Variants in PCDHGB2 observed in about 807,000 individuals in gnomAD.
PCDHGB2 encodes the protein protocadherin gamma-B2.
A neutral mutation model predicts 59.3 loss-of-function variants in PCDHGB2; 55 were observed. The ratio of observed to expected loss-of-function variants is 0.93; its 90% CI spans 0.75 to 1.16. PCDHGB2 has a LOEUF of 1.16. Ranked by LOEUF, PCDHGB2 falls within the 50% of genes most tolerant of loss-of-function variation. The probability of loss-of-function intolerance (pLI) is 0.00; values close to 1 mark genes in which losing one functional copy is unlikely to be tolerated. For synonymous variants in PCDHGB2, 516 were observed against 512.0 expected (o/e 1.01, Z -0.11); for missense variants, 1,228 against 1,198.5 (o/e 1.02, Z -0.36).
At chr5:141,438,635 T>TATAC (rs1460604450) in intron 1 of PCDHGB2, among the ~76,000 whole-genome samples, 1 of 33,416 alleles carries the variant, frequency 3.0e-5, no homozygotes, top group Admixed American at 4.2e-4. Context: ...TATATATATA[T>TATAC]ACACACACAC....
intron 1 of PCDHGB2, chr5:141,441,480 T>A (rs1679700290): frequency 5.9e-6 from 1 of 170,298 alleles, no homozygotes. Flanking sequence ...CCAACGACAA[T>A]GCTCTGGTTT....
chr5:141,400,656 A>G (rs72790034), intron 1 of PCDHGB2: 33,230 of 1,084,006 alleles, frequency 0.031, 658 homozygotes, highest in East Asian at 0.041. Context: ...CTGTCCTACC[A>G]TTCTTTAAGA....
intron 1 of PCDHGB2, among the ~76,000 whole-genome samples, chr5:141,482,940 G>T (rs1245833250): frequency 6.6e-6 from 1 of 152,026 alleles, no homozygotes; most frequent in East Asian, 1.9e-4. Context: ...AGGTGTGGTT[G>T]TGGGTGCCTG....
chr5:141,455,494 T>C (rs1223531150), intron 1 of PCDHGB2, among the ~76,000 whole-genome samples: 2 of 152,214 alleles, frequency 1.3e-5, no homozygotes, highest in African/African-American at 4.8e-5. Context: ...AGGTGATGTC[T>C]GATTTGCATA....
At position 141,476,873 on chromosome 5, in the gene PCDHGB2, G is replaced by C; in HGVS notation, c.2422-17934G>C. On this transcript the variant is annotated intron_variant, in intron 1 of 3. Coordinates refer to ENST00000522605, the MANE Select transcript of PCDHGB2 (RefSeq NM_018923.3). This position sits in a 1 kb window ranked among gnomAD's most constrained non-coding sequence, Gnocchi z 7.6. ...CAACCAGTCCTTGTACCGGGCGCGC[G>C]TCCTGGAGGATGCACCCTCCGGCAC... 1 of 1,613,936 alleles carries C rather than the reference G, an allele frequency of 6.2e-7. No homozygotes were observed. Among genetic ancestry groups the C allele is most frequent in the South Asian group, 1.1e-5 (1 of 91,088 alleles).
At chr5:141,403,701 A>C in intron 1 of PCDHGB2, 2 of 1,613,934 alleles carry the variant, frequency 1.2e-6, no homozygotes, top group South Asian at 2.2e-5. Flanking sequence ...TACCGAGTTA[A>C]AGTCCTTGAG....
chr5:141,415,772 T>TC, intron 1 of PCDHGB2: 1 of 1,332,986 alleles, frequency 7.5e-7, no homozygotes. Context: ...TTTTTTTTTT[T>TC]ACTTTCTGGT....
chr5:141,429,416 T>C (rs527999196), intron 1 of PCDHGB2, among the ~76,000 whole-genome samples: 1 of 152,230 alleles, frequency 6.6e-6, no homozygotes, highest in Admixed American at 6.5e-5. Flanking sequence ...GGTCTCATTA[T>C]GTTGCCCAGG....
chr5:141,409,748 G>C, intron 1 of PCDHGB2: 2 of 1,613,018 alleles, frequency 1.2e-6, no homozygotes, highest in South Asian at 2.2e-5. Context: ...GGTGGTGTTC[G>C]CGCAGCGCGC....
Position 141,486,814 on chromosome 5 carries a change from C to T in PCDHGB2, c.2422-7993C>T, listed in dbSNP as rs1048351154. On this transcript the variant is annotated intron_variant, in intron 1 of 3. Transcript: ENST00000522605. The surrounding 1 kb of genome is among the most constrained non-coding windows in gnomAD (Gnocchi z 5.0). ...ATCGGGGCAACCCACCCCTTAGCAG[C>T]ACTGTAACAGTTCGTCTATTTGTGC... 1.2e-6 allele frequency: 2 copies of T among 1,614,122 alleles called. No individual in the cohort carries two copies. Among genetic ancestry groups the T allele is most frequent in the Non-Finnish European group, 1.7e-6 (2 of 1,180,052 alleles).
At chr5:141,450,006 C>CTTTTTT (rs1554136305) in intron 1 of PCDHGB2, among the ~76,000 whole-genome samples, 15 of 132,950 alleles carry the variant, frequency 1.1e-4, no homozygotes, top group African/African-American at 2.0e-4. Context: ...TGCCATGTCT[C>CTTTTTT]TTTTTTTTTT....
At position 141,361,247 on chromosome 5, in the gene PCDHGB2, C is replaced by A. The variant is rs745887185; in HGVS notation, c.1112C>A (p.Thr371Lys). 2 of 1,613,946 alleles carry A rather than the reference C, an allele frequency of 1.2e-6. No homozygotes were observed. Among genetic ancestry groups the A allele is most frequent in the South Asian group, 1.1e-5 (1 of 91,082 alleles). ...PPGTVIALIK[T>K]RDRDSGENGE... is the part of the protein sequence containing the mutation. ...GGAACAGTGATCGCCTTGATAAAAA[C>A]GAGAGACAGAGACTCTGGAGAAAAT... is the stretch of plus-strand genomic sequence containing the variant. Residue 371 changes from threonine (T) to lysine (K), a missense_variant, in exon 1 of 4, where the codon ACG becomes AAG. Physicochemically the swap from Thr to Lys is moderately conservative, Grantham distance 78 (BLOSUM62 -1). Transcript: ENST00000522605.
intron 1 of PCDHGB2, chr5:141,421,788 G>T: frequency 6.2e-7 from 1 of 1,613,800 alleles, no homozygotes; most frequent in Non-Finnish European, 8.5e-7. Flanking sequence ...GGGGCAGAAC[G>T]GATGGGGCCA....
At chr5:141,428,044 C>A in intron 1 of PCDHGB2, 1 of 1,608,790 alleles carries the variant, frequency 6.2e-7, no homozygotes, top group Non-Finnish European at 8.5e-7. Context: ...TACCTGGTGA[C>A]CAAGGTGGTG....
intron 1 of PCDHGB2, chr5:141,399,654 G>A (rs2093857278): frequency 1.2e-6 from 2 of 1,613,586 alleles, no homozygotes. Flanking sequence ...AAAGTGGGGT[G>A]GTGTTCGCGC....
chr5:141,489,830 A>G lies in PCDHGB2; in HGVS notation c.2422-4977A>G, dbSNP rs760376311. On this transcript the variant is annotated intron_variant, in intron 1 of 3. Coordinates refer to ENST00000522605, the MANE Select transcript of PCDHGB2 (RefSeq NM_018923.3). The surrounding 1 kb of genome is among the most constrained non-coding windows in gnomAD (Gnocchi z 4.5). ...AAGCCATTCCCAGAGCTGGTGCTAG[A>G]GCAGCAGCTGGATCGTGAAGCCCAG... 1.9e-6 allele frequency: 3 copies of G among 1,614,200 alleles called. No individual in the cohort carries two copies. Among genetic ancestry groups the G allele is most frequent in the East Asian group, 2.2e-5 (1 of 44,878 alleles).
In PCDHGB2 at chr5:141,476,908, A is replaced by G. The variant is rs754076231; in HGVS notation, c.2422-17899A>G. 6.2e-7 allele frequency: 1 copy of G among 1,614,050 alleles called. No individual in the cohort carries two copies. The highest frequency in any genetic ancestry group is 8.5e-7 in the Non-Finnish European group (1 of 1,180,038). On this transcript the variant is annotated intron_variant, in intron 1 of 3. Coordinates refer to ENST00000522605, the MANE Select transcript of PCDHGB2 (RefSeq NM_018923.3). This position sits in a 1 kb window ranked among gnomAD's most constrained non-coding sequence, Gnocchi z 7.6. ...ATGCACCCTCCGGCACGCGCGTGGT[A>G]CAAGTCCTTGCAACGGATCTGGATG...
intron 2 of PCDHGB2, among the ~76,000 whole-genome samples, chr5:141,503,010 A>ATT (rs199924715): frequency 4.8e-5 from 7 of 146,772 alleles, no homozygotes; most frequent in East Asian, 2.0e-4. Context: ...TGCCCGGTTA[A>ATT]TTTTTTTTTT....
intron 1 of PCDHGB2, chr5:141,426,693 A>C (rs62378458): frequency 0.034 from 14,964 of 435,892 alleles, 320 homozygotes; most frequent in Middle Eastern, 0.11. Flanking sequence ...CCAAAATAGC[A>C]TTGTTTTACA....
Sources: gnomAD v4.1 joint callset for allele counts (sites outside exome capture counted in the v4.1 genomes callset) on GRCh38, gnomAD v4.1.1 for gene constraint, Gnocchi (gnomAD v3.1) non-coding constraint, MANE v1.5 for transcripts, NCBI Gene and HGNC (gene_info 2026-07-23, HGNC 2026-07-21) for gene names.